The following PSD3 variants were observed in gnomAD, a reference collection of about 807,000 sequenced individuals.
PSD3 encodes the protein pleckstrin and Sec7 domain containing 3.
In PSD3, 49 loss-of-function variants were observed where a neutral mutation model predicts 105.5. The observed-to-expected ratio is 0.46, with a 90% confidence interval of 0.37 to 0.59. PSD3 has a LOEUF of 0.59. Ranked by LOEUF, PSD3 falls within the 20% of genes least tolerant of loss-of-function variation. The pLI is 0.00. For synonymous variants in PSD3, 557 were observed against 457.8 expected, an observed-to-expected ratio of 1.22 and a Z score of -2.77; for missense variants, 1,561 against 1,263.8, an observed-to-expected ratio of 1.24 and a Z score of -3.57.
intron 1 of PSD3, among the ~76,000 whole-genome samples, chr8:19,043,958 C>G (rs780984989): frequency 1.3e-5 from 2 of 152,222 alleles, no homozygotes; most frequent in African/African-American, 2.4e-5. Flanking sequence ...TTCTGCTCAA[C>G]AAGCTGCTGA....
chr8:18,892,586 T>C (rs1818874669), intron 2 of PSD3, among the ~76,000 whole-genome samples: 1 of 151,774 alleles, frequency 6.6e-6, no homozygotes, highest in Non-Finnish European at 1.5e-5. Flanking sequence ...TGTTGAGTAG[T>C]CTGGGTATTT....
Position 18,931,469 on chromosome 8 carries a change from T to C in PSD3, c.130+4565A>G, listed in dbSNP as rs145005050. On this transcript the variant is annotated intron_variant, in intron 2 of 15. Transcript: ENST00000327040. ...CCATAAATCATCATAAAGAGAAAAT[T>C]TGCTTAGACAATACAAGTTAGAATG... Among the ~76,000 whole-genome samples, 25 of 152,316 alleles carry C rather than the reference T, an allele frequency of 1.6e-4. No homozygotes were observed. The East Asian group carries it at 3.9e-3, about 23-fold the overall frequency.
intron 4 of PSD3, among the ~76,000 whole-genome samples, chr8:18,847,740 G>C (rs34270955): frequency 0.44 from 67,628 of 152,082 alleles, 15,559 homozygotes; most frequent in Admixed American, 0.52. Context: ...AAAGTCTCCT[G>C]ACTCCCAGCA....
At chr8:18,978,005 C>T (rs1563481218) in intron 1 of PSD3, among the ~76,000 whole-genome samples, 2 of 152,132 alleles carry the variant, frequency 1.3e-5, no homozygotes, top group South Asian at 4.1e-4. Flanking sequence ...CCCATACGTT[C>T]GATATCATGA....
Position 18,652,443 on chromosome 8 carries a change from T to C in PSD3, c.2216+3199A>G, listed in dbSNP as rs147695901. 1.2e-3 allele frequency among the ~76,000 whole-genome samples: 183 copies of C among 151,064 alleles called. 1 individual carries two copies. The highest frequency in any genetic ancestry group is 4.2e-3 in the African/African-American group (172 of 41,142). On this transcript the variant is annotated intron_variant, in intron 10 of 15. Transcript: ENST00000327040. ...TGGGAGAAACGGGAGAGCACAGTGT[T>C]ATAAATAATTATATCCATGTACATA...
chr8:18,762,231 T>C, intron 9 of PSD3, among the ~76,000 whole-genome samples: 1 of 152,122 alleles, frequency 6.6e-6, no homozygotes, highest in East Asian at 1.9e-4. Flanking sequence ...TGAGCTCTCC[T>C]GAGCTATGGT....
intron 2 of PSD3, among the ~76,000 whole-genome samples, chr8:18,903,832 C>T (rs767738791): frequency 6.6e-6 from 1 of 152,006 alleles, no homozygotes. Context: ...ACATGTGGCA[C>T]CCTCCAACTT....
chr8:18,638,846 T>C (rs1807449227), intron 10 of PSD3, among the ~76,000 whole-genome samples: 1 of 152,148 alleles, frequency 6.6e-6, no homozygotes, highest in Non-Finnish European at 1.5e-5. Flanking sequence ...ATAAAGTTAC[T>C]GTAATCAAAA....
At chr8:18,954,423 G>A (rs930160265) in intron 1 of PSD3, among the ~76,000 whole-genome samples, 6 of 152,022 alleles carry the variant, frequency 3.9e-5, no homozygotes, top group Admixed American at 3.3e-4. Context: ...ATCAGTTGAG[G>A]TACTCATTCA....
chr8:18,973,048 A>G (rs1031204864), intron 1 of PSD3, among the ~76,000 whole-genome samples: 1 of 152,244 alleles, frequency 6.6e-6, no homozygotes, highest in African/African-American at 2.4e-5. Flanking sequence ...TGTAGACCTG[A>G]GTCTTGGGGG....
intron 8 of PSD3, among the ~76,000 whole-genome samples, chr8:18,790,716 T>G (rs763663375): frequency 1.3e-5 from 2 of 151,960 alleles, no homozygotes; most frequent in African/African-American, 4.8e-5. Context: ...CAGGCCCCAC[T>G]AGAAACCCTC....
intron 1 of PSD3, among the ~76,000 whole-genome samples, chr8:18,939,617 G>A (rs1297775280): frequency 6.6e-6 from 1 of 151,476 alleles, no homozygotes. Flanking sequence ...TGAGAAGTTG[G>A]GATACATATA....
intron 15 of PSD3, among the ~76,000 whole-genome samples, chr8:18,538,113 T>A (rs779565842): frequency 6.6e-6 from 1 of 152,220 alleles, no homozygotes; most frequent in Non-Finnish European, 1.5e-5. Flanking sequence ...GAGAGCCATG[T>A]TGACATGATG....
chr8:18,882,904 G>A (rs1175453925), intron 2 of PSD3, among the ~76,000 whole-genome samples: 2 of 151,748 alleles, frequency 1.3e-5, no homozygotes, highest in African/African-American at 2.4e-5. Flanking sequence ...TCTGTATAGT[G>A]GAGTATGTAT....
At chr8:18,833,213 C>T (rs988352657) in intron 4 of PSD3, among the ~76,000 whole-genome samples, 1 of 152,142 alleles carries the variant, frequency 6.6e-6, no homozygotes. Flanking sequence ...GGCAAGATAA[C>T]AAGACATATT....
intron 11 of PSD3, 53 bp downstream of exon 11, chr8:18,632,560 T>G: frequency 6.5e-7 from 1 of 1,529,442 alleles, no homozygotes; most frequent in South Asian, 1.2e-5. Flanking sequence ...CTTTAAATTT[T>G]GAGCATAAAG....
intron 9 of PSD3, among the ~76,000 whole-genome samples, chr8:18,695,906 G>A (rs374521156): frequency 6.6e-6 from 1 of 152,194 alleles, no homozygotes; most frequent in Non-Finnish European, 1.5e-5. Flanking sequence ...GACCAGAACA[G>A]TACCCTCTCT....
intron 9 of PSD3, among the ~76,000 whole-genome samples, chr8:18,732,034 T>C (rs1369185481): frequency 2.6e-5 from 4 of 152,126 alleles, no homozygotes; most frequent in Non-Finnish European, 4.4e-5. Flanking sequence ...GACAAGTAAT[T>C]TTCTGTCTCT....
chr8:18,933,400 T>C (rs1821875482), intron 2 of PSD3, among the ~76,000 whole-genome samples: 1 of 151,946 alleles, frequency 6.6e-6, no homozygotes, highest in South Asian at 2.1e-4. Context: ...AAAAAAAAGC[T>C]TAATTAGCAA....
Sources: allele counts gnomAD v4.1 joint callset (sites outside exome capture counted in the v4.1 genomes callset), GRCh38; gene constraint gnomAD v4.1.1; transcripts MANE v1.5; gene names NCBI Gene and HGNC (gene_info 2026-07-23, HGNC 2026-07-21).